Variants in CNBD1 observed in about 807,000 individuals in gnomAD.
CNBD1 encodes cyclic nucleotide binding domain containing 1, also known as cyclic nucleotide-binding domain-containing protein 1.
Under a neutral mutation model 54.4 loss-of-function variants are expected in CNBD1, and 71 were observed. That is an observed-to-expected ratio of 1.30 (90% CI 1.08 to 1.59). The LOEUF is 1.59. CNBD1 is among the 40% of genes most tolerant of loss of function. CNBD1 has a pLI of 0.00. For synonymous variants in CNBD1, 182 were observed against 170.7 expected (o/e 1.07, Z -0.51); for missense variants, 659 against 518.0 (o/e 1.27, Z -2.64).
intron 4 of CNBD1, among the ~76,000 whole-genome samples, chr8:87,111,600 C>T (rs1356591204): frequency 1.3e-5 from 2 of 152,078 alleles, no homozygotes; most frequent in African/African-American, 2.4e-5. Context: ...AGAACTGGCT[C>T]AGGGTTGAGA....
intron 6 of CNBD1, among the ~76,000 whole-genome samples, chr8:87,255,025 A>G (rs548587507): frequency 1.3e-5 from 2 of 152,276 alleles, no homozygotes; most frequent in African/African-American, 4.8e-5. Flanking sequence ...TTATGCATTC[A>G]GTATGGCCTA....
chr8:86,926,355 C>T (rs1809361176), intron 3 of CNBD1, among the ~76,000 whole-genome samples: 2 of 152,088 alleles, frequency 1.3e-5, no homozygotes, highest in African/African-American at 4.8e-5. Flanking sequence ...GTGGGTCGGT[C>T]CAGGTGTCCT....
At chr8:87,366,863 G>C (rs551357484) in intron 10 of CNBD1, among the ~76,000 whole-genome samples, 5 of 152,186 alleles carry the variant, frequency 3.3e-5, no homozygotes, top group Admixed American at 6.6e-5. Context: ...AATTGTTACT[G>C]TTATAAACTG....
rs1585976996 is a variant in CNBD1, at chr8:87,276,192, C to T, written c.772-8486C>T. ...TATTAGTTGGCTTGCTTATCACCTA[C>T]AATTAATGTCTTCCTATCTATATGT... On this transcript the variant is annotated intron_variant, in intron 6 of 10. Coordinates refer to ENST00000518476, the MANE Select transcript of CNBD1 (RefSeq NM_173538.3). 2.0e-5 allele frequency among the ~76,000 whole-genome samples: 3 copies of T among 151,984 alleles called. No individual in the cohort carries two copies. In the Admixed American group the frequency reaches 2.0e-4, roughly 10 times the overall value.
chr8:86,882,362 G>A (rs1808618199), intron 1 of CNBD1, among the ~76,000 whole-genome samples: 1 of 152,050 alleles, frequency 6.6e-6, no homozygotes, highest in Non-Finnish European at 1.5e-5. Context: ...GTGGGCAAAG[G>A]ACATGAACAG....
intron 10 of CNBD1, among the ~76,000 whole-genome samples, chr8:87,379,139 C>G (rs1376425614): frequency 3.3e-5 from 5 of 151,648 alleles, no homozygotes; most frequent in Non-Finnish European, 7.4e-5. Context: ...AATTGAATAC[C>G]CTTTATTTCC....
intron 2 of CNBD1, among the ~76,000 whole-genome samples, chr8:87,409,277 C>T (rs972502220): frequency 6.6e-6 from 1 of 152,068 alleles, no homozygotes; most frequent in Admixed American, 6.6e-5. Context: ...AATAGAAGAT[C>T]AAATAAGCCA....
At chr8:87,346,512 A>G (rs2130923967) in intron 8 of CNBD1, among the ~76,000 whole-genome samples, 1 of 152,018 alleles carries the variant, frequency 6.6e-6, no homozygotes, top group Non-Finnish European at 1.5e-5. Context: ...GTGTAGTCTT[A>G]TATTTGCTAT....
chr8:87,419,669 C>T (rs1470434496), intron 2 of CNBD1, among the ~76,000 whole-genome samples: 1 of 151,800 alleles, frequency 6.6e-6, no homozygotes, highest in African/African-American at 2.4e-5. Context: ...AGGAAGTCTT[C>T]ACAATGTGAA....
At chr8:86,998,788 C>T (rs1034310106) in intron 4 of CNBD1, among the ~76,000 whole-genome samples, 8 of 152,142 alleles carry the variant, frequency 5.3e-5, no homozygotes, top group Admixed American at 5.2e-4. Flanking sequence ...ACCAGATCAA[C>T]CAGTGGGTGT....
At chr8:86,915,033 C>A (rs1477098560) in intron 3 of CNBD1, among the ~76,000 whole-genome samples, 1 of 152,132 alleles carries the variant, frequency 6.6e-6, no homozygotes, top group Non-Finnish European at 1.5e-5. Flanking sequence ...AACAGGGAAC[C>A]ACAGTTGTAT....
At chr8:87,066,750 T>A (rs1356994823) in intron 4 of CNBD1, among the ~76,000 whole-genome samples, 1 of 151,910 alleles carries the variant, frequency 6.6e-6, no homozygotes, top group Non-Finnish European at 1.5e-5. Context: ...TCAATTAGAA[T>A]ATAATTTAAT....
chr8:86,904,920 G>A (rs1180543796), intron 2 of CNBD1, among the ~76,000 whole-genome samples, 161 bp from the exon 3 acceptor site: 1 of 151,684 alleles, frequency 6.6e-6, no homozygotes, highest in Admixed American at 6.6e-5. Context: ...ACTGAGATTT[G>A]GATATTTTTA....
chr8:87,391,639 A>G (rs1458220242), intron 2 of CNBD1, among the ~76,000 whole-genome samples: 1 of 152,052 alleles, frequency 6.6e-6, no homozygotes, highest in African/African-American at 2.4e-5. Flanking sequence ...TAATGGGATA[A>G]TAGAAGACTG....
At chr8:87,359,619 G>A (rs1199281116) in intron 10 of CNBD1, among the ~76,000 whole-genome samples, 3 of 151,960 alleles carry the variant, frequency 2.0e-5, no homozygotes, top group African/African-American at 7.2e-5. Context: ...CATTTAATCT[G>A]CTATATCCTA....
intron 6 of CNBD1, among the ~76,000 whole-genome samples, chr8:87,271,643 G>C (rs1808366050): frequency 6.6e-6 from 1 of 151,908 alleles, no homozygotes; most frequent in Admixed American, 6.6e-5. Context: ...AAAAACCCTT[G>C]TACACTGTTG....
intron 5 of CNBD1, among the ~76,000 whole-genome samples, chr8:87,224,460 T>A (rs965746467): frequency 3.3e-5 from 5 of 151,428 alleles, no homozygotes; most frequent in African/African-American, 9.7e-5. Flanking sequence ...TTTCTACATA[T>A]GGCTAGCCAG....
intron 10 of CNBD1, among the ~76,000 whole-genome samples, chr8:87,378,973 A>C (rs1811012963): frequency 1.3e-5 from 2 of 149,478 alleles, no homozygotes; most frequent in Non-Finnish European, 3.0e-5. Flanking sequence ...GTTGGTGTAT[A>C]GGAATGCTTG....
At chr8:87,072,915 T>C (rs1810788616) in intron 4 of CNBD1, among the ~76,000 whole-genome samples, 1 of 152,170 alleles carries the variant, frequency 6.6e-6, no homozygotes, top group South Asian at 2.1e-4. Context: ...CCAACTTGGT[T>C]CCACTCTCCC....
Sources: gnomAD v4.1 joint callset for allele counts (sites outside exome capture counted in the v4.1 genomes callset) on GRCh38, gnomAD v4.1.1 for gene constraint, MANE v1.5 for transcripts, NCBI Gene and HGNC (gene_info 2026-07-23, HGNC 2026-07-21) for gene names.